The following BSND variants were observed in gnomAD, a reference collection of about 807,000 sequenced individuals.
BSND encodes the protein barttin CLCNK type accessory subunit beta.
A neutral mutation model predicts 18.8 loss-of-function variants in BSND; 13 were observed. That is an observed-to-expected ratio of 0.69 (90% CI 0.45 to 1.10). The LOEUF is 1.10. BSND is among the 50% of genes least tolerant of loss of function. The pLI is 0.00. For synonymous variants in BSND, 170 were observed against 161.8 expected (o/e 1.05, Z -0.39); for missense variants, 379 against 416.7 (o/e 0.91, Z 0.79).
chr1:55,008,046 G>A (rs1330434108), intron 3 of BSND, among the ~76,000 whole-genome samples, 168 bp from the exon 4 acceptor site: 1 of 152,232 alleles, frequency 6.6e-6, no homozygotes, highest in Non-Finnish European at 1.5e-5. Context: ...CATATTATCT[G>A]CTGTAAACCT....
rs144303661 is a variant in BSND at position 54,999,186 on chromosome 1, C to T, written c.-1C>T. The T allele has an allele frequency of 5.0e-6, 8 of 1,613,914 alleles. No homozygotes were observed. The African/African-American group carries it at 1.1e-4, about 22-fold the overall frequency. ...GCAGGCCAGGGACTGGCCAGGCAGC[C>T]ATGGCTGACGAGAAGACCTTCCGGA... On this transcript the variant is annotated 5_prime_UTR_variant, in exon 1 of 4. Transcript: ENST00000651561.
chr1:55,015,836 T>A lies in BSND; in HGVS notation c.*7208T>A, dbSNP rs1479674549. ...AGCACGGCGGGGATCTGACCCCACC[T>A]GGAGAGTCGGCAGGAGCTTCTCAGA... On this transcript the variant is annotated 3_prime_UTR_variant, in exon 4 of 4. Transcript: ENST00000651561. Among the ~76,000 whole-genome samples, 3 of 152,150 alleles carry A rather than the reference T, an allele frequency of 2.0e-5. No individual in the cohort carries two copies. The highest frequency in any genetic ancestry group is 3.9e-4 in the East Asian group (2 of 5,184).
rs776609285 is a variant in BSND, at chr1:55,007,006, C to T, written c.282C>T (p.Pro94=). 37 of 1,613,984 alleles carry T rather than the reference C, an allele frequency of 2.3e-5. No individual in the cohort carries two copies. In the African/African-American group the frequency reaches 4.1e-4, roughly 18 times the overall value. ...CTCTCTCCCACTCCAGCCCCAGTCC[C>T]CAGCCGCCCTATGTAAGGCTGTGGG... ...GLAAEMKSPS[P]QPPYVRLWEE... The change falls in exon 3 of 4, where the codon CCC becomes CCT. Residue 94 remains proline, a synonymous_variant. Transcript: ENST00000651561.
intron 1 of BSND, among the ~76,000 whole-genome samples, chr1:55,001,662 A>C (rs1034578356): frequency 6.6e-6 from 1 of 152,274 alleles, no homozygotes; most frequent in Middle Eastern, 3.4e-3. Context: ...AGCCAATACC[A>C]ACATGCATTA....
intron 1 of BSND, among the ~76,000 whole-genome samples, chr1:55,000,362 T>C (rs1348738107): frequency 2.0e-5 from 3 of 151,994 alleles, no homozygotes; most frequent in African/African-American, 7.2e-5. Context: ...GGACTCTAAC[T>C]TGGGCTCTGT....
chr1:55,010,612 C>A lies in BSND; in HGVS notation c.*1984C>A, dbSNP rs1430169564. On this transcript the variant is annotated 3_prime_UTR_variant, in exon 4 of 4. Transcript: ENST00000651561. ...GGTCCTGGCCTAGGGAAGGAGATGC[C>A]CCTGTGTGCTGGGTTACAAGGTCAT... 1 of 152,278 alleles carries A rather than the reference C, an allele frequency of 6.6e-6. No homozygotes were observed. The highest frequency in any genetic ancestry group is 1.5e-5 in the Non-Finnish European group (1 of 68,126). The allele number at this position is 152,278 out of a possible 1,614,324, so 9.4% of individuals were successfully genotyped here. A position where few individuals can be genotyped will look rare whatever the true frequency, so the allele number is the denominator to read the frequency against.
rs1388939063 is a variant in BSND, at chr1:55,012,482, A to T, written c.*3854A>T. Among the ~76,000 whole-genome samples, 1 of 152,156 alleles carries T rather than the reference A, an allele frequency of 6.6e-6. No homozygotes were observed. Among genetic ancestry groups the T allele is most frequent in the Non-Finnish European group, 1.5e-5 (1 of 68,032 alleles). ...AAGTCACAGCCCCTCTCAGAGCCTC[A>T]ATGTCCACATTTATGCAGTGGGGAG... On this transcript the variant is annotated 3_prime_UTR_variant, in exon 4 of 4. Transcript: ENST00000651561.
rs557565547 is a variant in BSND at position 55,016,046 on chromosome 1, A to C, written c.*7418A>C. Among the ~76,000 whole-genome samples, 68 of 152,320 alleles carry C rather than the reference A, an allele frequency of 4.5e-4. No individual in the cohort carries two copies. The highest frequency in any genetic ancestry group is 1.4e-3 in the African/African-American group (59 of 41,574). On this transcript the variant is annotated 3_prime_UTR_variant, in exon 4 of 4. Transcript: ENST00000651561. ...TGGAGAAGACGTGGGTGAGTGAGTG[A>C]CTGGGGACTGGACCAGGGCGGGCTG...
At chr1:55,002,565 C>G (rs191752004) in intron 1 of BSND, among the ~76,000 whole-genome samples, 1 of 152,266 alleles carries the variant, frequency 6.6e-6, no homozygotes, top group African/African-American at 2.4e-5. Context: ...TCAGGACTCC[C>G]CATTGCATCT....
chr1:55,007,165 A>T lies in BSND; in HGVS notation c.441A>T (p.Gly147=). 1.2e-6 allele frequency: 2 copies of T among 1,614,134 alleles called. No individual in the cohort carries two copies. The highest frequency in any genetic ancestry group is 1.7e-6 in the Non-Finnish European group (2 of 1,180,022). The change falls in exon 3 of 4, where the codon GGA becomes GGT. Residue 147 remains glycine, a synonymous_variant. Transcript: ENST00000651561. ...GQPKLGTSDG[G]EGGPGDVQAW... ...CGAAGCTGGGAACCAGTGATGGAGG[A>T]GAAGGTGGCCCTGGCGACGTTCAGG...
In BSND at chr1:55,008,489, T is replaced by A; in HGVS notation, c.824T>A (p.Val275Glu). The A allele has an allele frequency of 6.2e-7, 1 of 1,614,024 alleles. No individual in the cohort carries two copies. The highest frequency in any genetic ancestry group is 8.5e-7 in the Non-Finnish European group (1 of 1,179,998). The change falls in exon 4 of 4, where the codon GTG (valine) becomes GAG (glutamate). Residue 275 changes from valine to glutamate, a missense_variant. By Grantham distance (121) the Val-to-Glu change is moderately radical. Transcript: ENST00000651561. ...TGGCAGCGGTACCCAAGGACAAAGGTGGAGGAGAAGGAGGCTTCGGACACA... is the reference window on the plus strand; with the variant it reads ...TGGCAGCGGTACCCAAGGACAAAGGAGGAGGAGAAGGAGGCTTCGGACACA... ...NNWQRYPRTK[V>E]EEKEASDTGG... is the part of the protein sequence containing the mutation.
rs1316612778 is a variant in BSND, at chr1:54,999,141, A to AC, written c.-41dup. 1.9e-6 allele frequency: 3 copies of AC among 1,609,952 alleles called. No individual in the cohort carries two copies. In the African/African-American group the frequency reaches 4.0e-5, roughly 22 times the overall value. On this transcript the variant is annotated 5_prime_UTR_variant, in exon 1 of 4. Coordinates refer to ENST00000651561, the MANE Select transcript of BSND (RefSeq NM_057176.3). ...TCGGTGTTTAGGCTGAACTACAGCCACCCCCTCTCCCGGGGGTGTGCAGGC... is the reference window on the plus strand; with the variant it reads ...TCGGTGTTTAGGCTGAACTACAGCCACCCCCCTCTCCCGGGGGTGTGCAGGC...
chr1:55,001,594 G>A (rs1367508702), intron 1 of BSND, among the ~76,000 whole-genome samples: 1 of 152,102 alleles, frequency 6.6e-6, no homozygotes, highest in African/African-American at 2.4e-5. Context: ...TTTGATAAAT[G>A]GGGAGATATA....
chr1:55,007,330 A>T, intron 3 of BSND, 58 bp downstream of exon 3: 6 of 718,468 alleles, frequency 8.4e-6, no homozygotes, highest in Non-Finnish European at 1.2e-5. Context: ...TAAAAAGGAG[A>T]GGAGTGGGGG....
At position 55,007,054 on chromosome 1, in the gene BSND, C is replaced by G; in HGVS notation, c.330C>G (p.Ser110Arg). 6.2e-7 allele frequency: 1 copy of G among 1,614,180 alleles called. No homozygotes were observed. The highest frequency in any genetic ancestry group is 8.5e-7 in the Non-Finnish European group (1 of 1,180,038). The change falls in exon 3 of 4, where the codon AGC becomes AGG. Residue 110 changes from serine to arginine, a missense_variant. Coordinates refer to ENST00000651561, the MANE Select transcript of BSND (RefSeq NM_057176.3). ...GGGAGGAAGCCGCCTATGACCAGAG[C>G]CTGCCTGACTTCAGCCACATCCAGA... ...RLWEEAAYDQ[S>R]LPDFSHIQMK...
Position 55,008,435 on chromosome 1 carries a change from AGCAGTGG to A in BSND, c.772_778del (p.Gln258LysfsTer2). 6.2e-7 allele frequency: 1 copy of A among 1,614,216 alleles called. No homozygotes were observed. Among genetic ancestry groups the A allele is most frequent in the African/African-American group, 1.3e-5 (1 of 75,074 alleles). On this transcript the variant is annotated frameshift_variant, in exon 4 of 4. Transcript: ENST00000651561. LOFTEE classifies it low-confidence loss of function (END_TRUNC). ...TTGGAGGATGAGCCCCAAGAGGGGC[AGCAGTGG>A]GAAATAGCCCTGCCCAACAACTGGC...
rs115554268 is a variant in BSND, at chr1:55,017,171, G to A, written c.*8543G>A. Among the ~76,000 whole-genome samples the A allele has an allele frequency of 1.4e-3, 217 of 152,310 alleles. No homozygotes were observed. Among genetic ancestry groups the A allele is most frequent in the African/African-American group, 4.2e-3 (174 of 41,574 alleles). On this transcript the variant is annotated 3_prime_UTR_variant, in exon 4 of 4. Transcript: ENST00000651561. Reference sequence around the variant, plus strand: ...TCCTCTCAATAAATTGTTGTTAAATGAGTGAGTGAGTCTATATATTTTGAT... The same window carrying A: ...TCCTCTCAATAAATTGTTGTTAAATAAGTGAGTGAGTCTATATATTTTGAT...
In BSND at chr1:55,015,571, G is replaced by T. The variant is rs918936682; in HGVS notation, c.*6943G>T. Among the ~76,000 whole-genome samples the T allele has an allele frequency of 6.6e-6, 1 of 152,216 alleles. No individual in the cohort carries two copies. Among genetic ancestry groups the T allele is most frequent in the Non-Finnish European group, 1.5e-5 (1 of 68,036 alleles). ...TAGGTGGATGAGACCAGGCTTTGGG[G>T]ATCAGATCAGCAAGCCTGGGGGTAA... On this transcript the variant is annotated 3_prime_UTR_variant, in exon 4 of 4. Transcript: ENST00000651561.
Position 54,999,060 on chromosome 1 carries a change from C to G in BSND, c.-127C>G. The G allele has an allele frequency of 8.3e-7, 1 of 1,199,102 alleles. No individual in the cohort carries two copies. The allele number at this position is 1,199,102 out of a possible 1,614,324, so 74.3% of individuals were successfully genotyped here. On this transcript the variant is annotated 5_prime_UTR_variant, in exon 1 of 4. Coordinates refer to ENST00000651561, the MANE Select transcript of BSND (RefSeq NM_057176.3). Reference sequence around the variant, plus strand: ...GGGATTGAAAGGGATCTTGCTCTCCCTTGAAGCCTTGAGTTGCAGCGATTT... The same window carrying G: ...GGGATTGAAAGGGATCTTGCTCTCCGTTGAAGCCTTGAGTTGCAGCGATTT...
Sources: gnomAD v4.1 joint callset for allele counts (sites outside exome capture counted in the v4.1 genomes callset) on GRCh38, gnomAD v4.1.1 for gene constraint, MANE v1.5 for transcripts, NCBI Gene and HGNC (gene_info 2026-07-23, HGNC 2026-07-21) for gene names.